The following EPS15 variants were observed in gnomAD, a reference collection of about 807,000 sequenced individuals.
The protein encoded by EPS15 is epidermal growth factor receptor substrate 15.
A neutral mutation model predicts 113.8 loss-of-function variants in EPS15; 72 were observed. The ratio of observed to expected loss-of-function variants is 0.63; its 90% CI spans 0.52 to 0.77. The LOEUF is 0.77. EPS15 is among the 30% of genes least tolerant of loss of function. EPS15 has a pLI of 0.00. For missense variants in EPS15, 1,048 were observed against 1,045.8 expected (o/e 1.00, Z -0.03); for synonymous variants, 344 against 363.4 (o/e 0.95, Z 0.61).
chr1:51,493,528 T>TTAAATAAATAAATAAA (rs200731991), intron 1 of EPS15, among the ~76,000 whole-genome samples: 2 of 133,406 alleles, frequency 1.5e-5, no homozygotes, highest in Non-Finnish European at 3.2e-5. Context: ...CAGTCTCAAA[T>TTAAATAAATAAATAAA]TAAATAAATA....
intron 2 of EPS15, among the ~76,000 whole-genome samples, chr1:51,474,365 G>A (rs1022169388): frequency 2.0e-5 from 3 of 152,076 alleles, no homozygotes; most frequent in Non-Finnish European, 4.4e-5. Context: ...TGGATTTTTG[G>A]ATAAAGACTA....
At chr1:51,358,282 C>CA (rs141348685) in intron 24 of EPS15, among the ~76,000 whole-genome samples, 11,426 of 150,936 alleles carry the variant, frequency 0.076, 548 homozygotes, top group Admixed American at 0.13. Context: ...CGGAGTGAGC[C>CA]AAAAAAAATA....
intron 1 of EPS15, among the ~76,000 whole-genome samples, chr1:51,486,961 C>T (rs1557516540): frequency 1.3e-5 from 2 of 152,064 alleles, no homozygotes; most frequent in Non-Finnish European, 2.9e-5. Context: ...TAAGCCACTG[C>T]GCCCAGCCTA....
At chr1:51,440,742 A>C (rs1652535465) in intron 11 of EPS15, among the ~76,000 whole-genome samples, 1 of 152,042 alleles carries the variant, frequency 6.6e-6, no homozygotes, top group Non-Finnish European at 1.5e-5. Flanking sequence ...GCAGTAAAAG[A>C]GATGCCAGAT....
intron 21 of EPS15, among the ~76,000 whole-genome samples, chr1:51,375,715 A>G (rs1028365561): frequency 5.3e-5 from 8 of 152,224 alleles, no homozygotes; most frequent in African/African-American, 1.9e-4. Context: ...AATAATAACT[A>G]ATTCTCCTTC....
At chr1:51,406,141 T>C (rs779545185) in intron 15 of EPS15, 33 bp from the exon 16 acceptor site, 1 of 1,580,706 alleles carries the variant, frequency 6.3e-7, no homozygotes, top group Non-Finnish European at 8.7e-7. Context: ...TAGAACAGAA[T>C]TTATTACTAG....
At chr1:51,459,623 A>C (rs886827549) in intron 8 of EPS15, among the ~76,000 whole-genome samples, 8 of 152,178 alleles carry the variant, frequency 5.3e-5, no homozygotes, top group Non-Finnish European at 1.2e-4. Context: ...TAAACTTGGC[A>C]ACAAAGAAAG....
At chr1:51,504,410 A>T (rs889390636) in intron 1 of EPS15, among the ~76,000 whole-genome samples, 1 of 152,180 alleles carries the variant, frequency 6.6e-6, no homozygotes, top group Non-Finnish European at 1.5e-5. Context: ...ACCCTGTCTG[A>T]AAACAAAATA....
intron 23 of EPS15, among the ~76,000 whole-genome samples, chr1:51,363,281 G>C: frequency 7.2e-6 from 1 of 139,726 alleles, no homozygotes; most frequent in East Asian, 2.0e-4. Flanking sequence ...CTGGGCAACA[G>C]AGCGAGATTC....
intron 8 of EPS15, among the ~76,000 whole-genome samples, chr1:51,454,983 T>C (rs1050212156): frequency 6.6e-6 from 1 of 150,530 alleles, no homozygotes. Flanking sequence ...TTAGCCTGGG[T>C]TGTAAGCCAG....
intron 21 of EPS15, among the ~76,000 whole-genome samples, chr1:51,368,939 G>T (rs1031833479): frequency 2.0e-5 from 3 of 152,108 alleles, no homozygotes; most frequent in South Asian, 2.1e-4. Flanking sequence ...CAGCCTGAGT[G>T]GGGTGAAGAT....
At chr1:51,508,553 G>T (rs914807128) in intron 1 of EPS15, among the ~76,000 whole-genome samples, 1 of 152,100 alleles carries the variant, frequency 6.6e-6, no homozygotes, top group Non-Finnish European at 1.5e-5. Flanking sequence ...GTCACAAATG[G>T]CAGAGCTACA....
At chr1:51,386,756 G>A (rs1570157895) in intron 21 of EPS15, among the ~76,000 whole-genome samples, 1 of 152,180 alleles carries the variant, frequency 6.6e-6, no homozygotes, top group East Asian at 1.9e-4. Context: ...AAGCAAGAAG[G>A]GAAGTTTAGA....
intron 8 of EPS15, among the ~76,000 whole-genome samples, chr1:51,453,813 T>C (rs1653761843): frequency 6.6e-6 from 1 of 152,112 alleles, no homozygotes; most frequent in South Asian, 2.1e-4. Flanking sequence ...CAAATTTTAG[T>C]CACCATGAGA....
intron 11 of EPS15, among the ~76,000 whole-genome samples, chr1:51,442,487 C>T (rs574837239): frequency 6.6e-6 from 1 of 152,054 alleles, no homozygotes; most frequent in Non-Finnish European, 1.5e-5. Context: ...GAAAGTGACA[C>T]CCCAGATACT....
intron 12 of EPS15, among the ~76,000 whole-genome samples, chr1:51,431,014 ACACACAC>A (rs1557462530): frequency 2.2e-5 from 3 of 137,970 alleles, no homozygotes; most frequent in African/African-American, 7.9e-5. Context: ...ACACACACAC[ACACACAC>A]ACACACAAAA....
intron 4 of EPS15, among the ~76,000 whole-genome samples, chr1:51,470,646 C>CAAAAAAAAAAAA (rs10616476): frequency 1.4e-5 from 1 of 72,996 alleles, no homozygotes. Context: ...GGCTCTGTCT[C>CAAAAAAAAAAAA]AAAAAAAAAA....
chr1:51,406,260 C>T (rs998448616), intron 15 of EPS15, 152 bp from the exon 16 acceptor site: 15 of 648,562 alleles, frequency 2.3e-5, no homozygotes, highest in Non-Finnish European at 3.5e-5. Flanking sequence ...AGGACTGCTT[C>T]AGCCCAGGAG....
intron 10 of EPS15, 38 bp downstream of exon 10, chr1:51,446,922 A>G (rs748257242): frequency 1.3e-6 from 2 of 1,524,500 alleles, no homozygotes; most frequent in East Asian, 4.5e-5. Context: ...TTGATACAAA[A>G]CCATATTTTT....
Sources: allele counts gnomAD v4.1 joint callset (sites outside exome capture counted in the v4.1 genomes callset), GRCh38; gene constraint gnomAD v4.1.1; transcripts MANE v1.5; gene names NCBI Gene and HGNC (gene_info 2026-07-23, HGNC 2026-07-21).